The following CEP164 variants were observed in gnomAD, a reference collection of about 807,000 sequenced individuals.
CEP164 encodes centrosomal protein 164.
Under a neutral mutation model 182.7 loss-of-function variants are expected in CEP164, and 162 were observed. The observed-to-expected ratio is 0.89, with a 90% CI of 0.78 to 1.01. CEP164 has a LOEUF of 1.01. Among genes scored for constraint, CEP164 ranks in the 50% least tolerant of loss-of-function variants. The pLI is 0.00. For synonymous variants in CEP164, 661 were observed against 690.0 expected (o/e 0.96, Z 0.66); for missense variants, 1,735 against 1,790.4 (o/e 0.97, Z 0.56).
In CEP164 at chr11:117,396,566, TGTC is replaced by T. The variant is rs749738679; in HGVS notation, c.3234_3236del (p.Ser1081del). On this transcript the variant is annotated inframe_deletion, in exon 26 of 33. Transcript: ENST00000278935. Reference sequence around the variant, plus strand: ...TGTCCCTAGAACCAGACCAAAGAGGTGTCTTCTTCTCTCTCCCAGAGCAAGGAG... The same window carrying T: ...TGTCCCTAGAACCAGACCAAAGAGGTTTCTTCTCTCTCCCAGAGCAAGGAG... 1.1e-5 allele frequency: 18 copies of T among 1,613,628 alleles called. No homozygotes were observed. In the African/African-American group the frequency reaches 2.3e-4, roughly 20 times the overall value.
intron 5 of CEP164, among the ~76,000 whole-genome samples, chr11:117,356,919 C>G (rs1267412626): frequency 6.6e-6 from 1 of 152,104 alleles, no homozygotes; most frequent in African/African-American, 2.4e-5. Context: ...GTGAGCAGAA[C>G]GTCGCTAATC....
chr11:117,338,773 C>A, intron 3 of CEP164, 105 bp downstream of exon 3: 1 of 905,858 alleles, frequency 1.1e-6, no homozygotes, highest in Non-Finnish European at 1.8e-6. Context: ...GGTACATGTA[C>A]AGAGTTGCTT....
At chr11:117,407,671 A>C (rs1276971063) in intron 27 of CEP164, among the ~76,000 whole-genome samples, 2 of 152,042 alleles carry the variant, frequency 1.3e-5, no homozygotes, top group East Asian at 3.9e-4. Context: ...AATCATAATA[A>C]ATAATAACCA....
chr11:117,391,684 A>G lies in CEP164; in HGVS notation c.2283+469A>G, dbSNP rs143232332. On this transcript the variant is annotated intron_variant, in intron 17 of 32. Transcript: ENST00000278935. Reference sequence around the variant, plus strand: ...CTCTCCTTTCTTAGGATGAGAGGCTAGCAATATAGCAAGGATTTTCTCTTT... The same window carrying G: ...CTCTCCTTTCTTAGGATGAGAGGCTGGCAATATAGCAAGGATTTTCTCTTT... Among the ~76,000 whole-genome samples the G allele has an allele frequency of 1.4e-4, 22 of 152,246 alleles. 1 individual carries two copies. The highest frequency in any genetic ancestry group is 5.3e-4 in the African/African-American group (22 of 41,534).
At chr11:117,389,775 GCT>G (rs1400684681) in intron 15 of CEP164, among the ~76,000 whole-genome samples, 1 of 152,110 alleles carries the variant, frequency 6.6e-6, no homozygotes, top group Non-Finnish European at 1.5e-5. Context: ...TGGTGACTCA[GCT>G]GATGTGGCTA....
chr11:117,400,396 G>A (rs2045991838), intron 27 of CEP164, among the ~76,000 whole-genome samples: 2 of 152,176 alleles, frequency 1.3e-5, no homozygotes, highest in South Asian at 4.1e-4. Flanking sequence ...TAGCCTTGTA[G>A]TATCATTTGA....
chr11:117,402,880 T>C (rs777121554), intron 27 of CEP164, among the ~76,000 whole-genome samples: 1 of 152,228 alleles, frequency 6.6e-6, no homozygotes, highest in Admixed American at 6.5e-5. Flanking sequence ...TGGGTGCATA[T>C]ATATTTTGGA....
Position 117,395,141 on chromosome 11 carries a change from G to T in CEP164, c.2863G>T (p.Glu955Ter). ...CTGCAAGGAGGAGACCGCCCGGAGG[G>T]AGAAGCAGCAGCTGCTTGATGTGCA... is the stretch of plus-strand genomic sequence containing the variant. ...LEVQEETARR[E>*]KQQLLDVQRQ... The change falls in exon 23 of 33, where the codon GAG becomes TAG. Residue 955 changes from glutamate (E) to a stop codon, truncating the protein, a stop_gained. Transcript: ENST00000278935. LOFTEE classifies it high-confidence loss of function. 1 of 1,614,194 alleles carries T rather than the reference G, an allele frequency of 6.2e-7. No individual in the cohort carries two copies. The highest frequency in any genetic ancestry group is 1.1e-5 in the South Asian group (1 of 91,078).
intron 26 of CEP164, 27 bp from the exon 27 acceptor site, chr11:117,397,064 T>G (rs1173122162): frequency 6.2e-7 from 1 of 1,601,496 alleles, no homozygotes; most frequent in Admixed American, 1.7e-5. Flanking sequence ...AGGCTTCTGT[T>G]TTCCTTCTTC....
intron 5 of CEP164, among the ~76,000 whole-genome samples, chr11:117,360,974 G>A (rs533847122): frequency 4.3e-5 from 6 of 138,902 alleles, no homozygotes; most frequent in Admixed American, 2.3e-4. Context: ...TCGCTCTGTC[G>A]CTCAGGCTGG....
intron 14 of CEP164, chr11:117,386,318 A>C (rs921431946): frequency 6.6e-6 from 1 of 152,228 alleles, no homozygotes; most frequent in East Asian, 1.9e-4. Flanking sequence ...TATCCTGCTC[A>C]TGCTTTATCC....
intron 17 of CEP164, among the ~76,000 whole-genome samples, chr11:117,391,602 C>T (rs191258057): frequency 9.9e-5 from 15 of 152,198 alleles, no homozygotes; most frequent in East Asian, 3.9e-4. Context: ...GAGACAAAGG[C>T]GCTCTGTCCC....
Position 117,409,683 on chromosome 11 carries a change from A to C in CEP164, c.3814A>C (p.Ser1272Arg). The C allele has an allele frequency of 6.2e-7, 1 of 1,614,030 alleles. No homozygotes were observed. The highest frequency in any genetic ancestry group is 2.2e-5 in the East Asian group (1 of 44,872). The change falls in exon 30 of 33, where the codon AGC (serine) becomes CGC (arginine). Residue 1272 changes from serine to arginine, a missense_variant. Ser to Arg is a moderately radical substitution (Grantham distance 110). Coordinates refer to ENST00000278935, the MANE Select transcript of CEP164 (RefSeq NM_014956.5). The surrounding 1 kb of genome is among the most constrained non-coding windows in gnomAD (Gnocchi z 4.4). ...GCTTAGCCACTCCCTCCGGCAGATC[A>C]GCAGCCAGCTGAGCAGTGTCCTCAG... ...HGLSHSLRQISSQLSSVLSIL... is the reference protein window; with the variant it reads ...HGLSHSLRQIRSQLSSVLSIL...
intron 1 of CEP164, among the ~76,000 whole-genome samples, chr11:117,328,547 C>G (rs1253771224): frequency 6.6e-6 from 1 of 152,196 alleles, no homozygotes; most frequent in Non-Finnish European, 1.5e-5. Flanking sequence ...CCCTTCTACT[C>G]GGCGCACTCC....
intron 27 of CEP164, among the ~76,000 whole-genome samples, chr11:117,400,575 G>A (rs113430836): frequency 0.012 from 1,786 of 152,272 alleles, 35 homozygotes; most frequent in African/African-American, 0.041. Flanking sequence ...ATTACTTTGG[G>A]CAGTATGGTC....
At chr11:117,333,813 G>T (rs1290340223) in intron 1 of CEP164, among the ~76,000 whole-genome samples, 2 of 152,138 alleles carry the variant, frequency 1.3e-5, no homozygotes, top group East Asian at 1.9e-4. Flanking sequence ...TGAGATTGCA[G>T]GTGTGAGCCA....
chr11:117,375,040 G>A (rs1270378856), intron 10 of CEP164, among the ~76,000 whole-genome samples: 1 of 152,170 alleles, frequency 6.6e-6, no homozygotes, highest in Admixed American at 6.5e-5. Flanking sequence ...AGCCAGTGCA[G>A]GAATCATCAC....
chr11:117,410,601 G>T (rs142884657), intron 30 of CEP164: 2 of 459,030 alleles, frequency 4.4e-6, no homozygotes, highest in East Asian at 6.9e-5. Context: ...CATAAAACAA[G>T]GCATTTGAGG....
At chr11:117,376,261 AC>A (rs1451370744) in intron 11 of CEP164, among the ~76,000 whole-genome samples, 16 of 151,458 alleles carry the variant, frequency 1.1e-4, no homozygotes, top group Non-Finnish European at 2.4e-4. Context: ...CTGGAGGTTC[AC>A]CTCTGACACC....
Sources: allele counts gnomAD v4.1 joint callset (sites outside exome capture counted in the v4.1 genomes callset), GRCh38; gene constraint gnomAD v4.1.1; non-coding constraint Gnocchi (gnomAD v3.1); transcripts MANE v1.5; gene names NCBI Gene and HGNC (gene_info 2026-07-23, HGNC 2026-07-21).